Variants in ZNF487 observed in about 807,000 individuals in gnomAD.
ZNF487 encodes KRAB domain only 1.
ZNF487 carries 4 observed loss-of-function variants against 3.0 expected under a neutral mutation model. The ratio of observed to expected loss-of-function variants is 1.35; its 90% confidence interval spans 0.66 to 3.08. The LOEUF (loss-of-function observed/expected upper bound fraction) is 3.08, where lower values mean the gene tolerates loss of function less well. Ranked by LOEUF, ZNF487 falls within the 30% of genes most tolerant of loss-of-function variation. The pLI is 0.01. For synonymous variants in ZNF487, 55 were observed against 34.6 expected, an observed-to-expected ratio of 1.59 and a Z score of -2.06; for missense variants, 146 against 98.7, an observed-to-expected ratio of 1.48 and a Z score of -2.03.
At chr10:43,457,410 C>T (rs1840249087) in intron 1 of ZNF487, among the ~76,000 whole-genome samples, 1 of 146,842 alleles carries the variant, frequency 6.8e-6, no homozygotes, top group Non-Finnish European at 1.5e-5. Flanking sequence ...AAAAAGATAG[C>T]TGGGCATGGT....
At chr10:43,444,824 T>C (rs1021658453) in intron 1 of ZNF487, among the ~76,000 whole-genome samples, 1 of 152,140 alleles carries the variant, frequency 6.6e-6, no homozygotes, top group Non-Finnish European at 1.5e-5. Flanking sequence ...TGCCTCGGCC[T>C]CCCAGGCAGT....
the ZNF487 span, among the ~76,000 whole-genome samples, chr10:43,497,609 G>A: frequency 6.6e-6 from 1 of 152,172 alleles, no homozygotes; most frequent in Non-Finnish European, 1.5e-5. Context: ...TTTGTTGAAG[G>A]TGTTCCCCAA....
At chr10:43,504,481 G>C in the ZNF487 span, among the ~76,000 whole-genome samples, 2 of 151,548 alleles carry the variant, frequency 1.3e-5, no homozygotes, top group Admixed American at 1.3e-4. Context: ...TTTTTTAGTA[G>C]AGATGGGGTT....
At chr10:43,443,881 C>T (rs564703725) in intron 1 of ZNF487, among the ~76,000 whole-genome samples, 3 of 138,304 alleles carry the variant, frequency 2.2e-5, no homozygotes, top group East Asian at 4.3e-4. Flanking sequence ...TAGACACAGT[C>T]TCTCTCTGTC....
upstream of ZNF487, chr10:43,437,065 G>T (rs1364451579): frequency 1.3e-5 from 4 of 312,096 alleles, no homozygotes; most frequent in South Asian, 2.3e-5. Context: ...CTGGACTGGC[G>T]GGCGCCCGGG....
chr10:43,442,741 C>A (rs978240728), intron 1 of ZNF487, among the ~76,000 whole-genome samples: 1 of 152,114 alleles, frequency 6.6e-6, no homozygotes, highest in East Asian at 1.9e-4. Context: ...CCGCGCCCAG[C>A]CCTGGAATTA....
At chr10:43,437,055 C>T (rs1197624386), upstream of ZNF487, 1 of 322,652 alleles carries the variant, frequency 3.1e-6, no homozygotes, top group Non-Finnish European at 6.2e-6. Context: ...GCAGGGAGCG[C>T]TGGACTGGCG....
chr10:43,496,596 C>T, the ZNF487 span, among the ~76,000 whole-genome samples: 7 of 152,182 alleles, frequency 4.6e-5, no homozygotes, highest in Admixed American at 3.9e-4. Flanking sequence ...CAGGTGTCTG[C>T]TCTTTGCTAT....
chr10:43,477,531 G>A (rs1841146215), intron 3 of ZNF487, among the ~76,000 whole-genome samples: 1 of 151,530 alleles, frequency 6.6e-6, no homozygotes, highest in Non-Finnish European at 1.5e-5. Flanking sequence ...AAATAATGTT[G>A]CATTAAATAT....
At chr10:43,485,688 T>C (rs1290620458), downstream of ZNF487, among the ~76,000 whole-genome samples, 3 of 152,222 alleles carry the variant, frequency 2.0e-5, no homozygotes, top group Non-Finnish European at 4.4e-5. Flanking sequence ...TATGTGGATA[T>C]TGAAATATAA....
the ZNF487 span, among the ~76,000 whole-genome samples, chr10:43,495,127 T>C: frequency 2.1e-3 from 325 of 152,132 alleles, 2 homozygotes; most frequent in African/African-American, 7.5e-3. Flanking sequence ...TATCTTAATA[T>C]AGCTCTATCC....
At chr10:43,501,962 C>T in the ZNF487 span, among the ~76,000 whole-genome samples, 1 of 152,100 alleles carries the variant, frequency 6.6e-6, no homozygotes, top group Non-Finnish European at 1.5e-5. Flanking sequence ...AAACTAAATA[C>T]TACAATGTGT....
At chr10:43,499,882 C>A in the ZNF487 span, among the ~76,000 whole-genome samples, 2 of 151,862 alleles carry the variant, frequency 1.3e-5, no homozygotes, top group Non-Finnish European at 2.9e-5. Flanking sequence ...TCATCTATTT[C>A]ATTTTATTTT....
At chr10:43,499,095 C>T in the ZNF487 span, among the ~76,000 whole-genome samples, 1 of 152,076 alleles carries the variant, frequency 6.6e-6, no homozygotes, top group Non-Finnish European at 1.5e-5. Context: ...TTTGTTTTTC[C>T]GAAGACACGT....
the ZNF487 span, among the ~76,000 whole-genome samples, chr10:43,518,259 G>T: frequency 6.6e-6 from 1 of 152,200 alleles, no homozygotes; most frequent in Non-Finnish European, 1.5e-5. Flanking sequence ...TTTTGGAAAA[G>T]GCATTCAATG....
At chr10:43,489,563 A>C in the ZNF487 span, among the ~76,000 whole-genome samples, 68 of 152,092 alleles carry the variant, frequency 4.5e-4, 1 homozygote, top group African/African-American at 1.6e-3. Flanking sequence ...CATGTTGGCC[A>C]AGCTGATCTC....
At chr10:43,513,504 G>T in the ZNF487 span, among the ~76,000 whole-genome samples, 1 of 152,208 alleles carries the variant, frequency 6.6e-6, no homozygotes, top group Non-Finnish European at 1.5e-5. Context: ...GATGTGGTGG[G>T]AATCACCACC....
At chr10:43,463,434 A>G (rs752764031) in intron 1 of ZNF487, among the ~76,000 whole-genome samples, 39 of 151,868 alleles carry the variant, frequency 2.6e-4, no homozygotes, top group Non-Finnish European at 4.7e-4. Context: ...GCTACTCGGG[A>G]GGCTGAGGCA....
the ZNF487 span, among the ~76,000 whole-genome samples, chr10:43,498,099 A>ATTTTTTTT: frequency 5.9e-4 from 12 of 20,188 alleles, no homozygotes; most frequent in Non-Finnish European, 5.8e-4. Context: ...ATATATATAT[A>ATTTTTTTT]TTTTTTTTTT....
Sources: gnomAD v4.1 joint callset for allele counts (sites outside exome capture counted in the v4.1 genomes callset) on GRCh38, gnomAD v4.1.1 for gene constraint, MANE v1.5 for transcripts, NCBI Gene and HGNC (gene_info 2026-07-23, HGNC 2026-07-21) for gene names.